The following DLGAP2 variants were observed in gnomAD, a reference collection of about 807,000 sequenced individuals.
The protein encoded by DLGAP2 is disks large-associated protein 2.
In DLGAP2, 26 loss-of-function variants were observed where a neutral mutation model predicts 100.3. The observed-to-expected ratio is 0.26, with a 90% CI of 0.19 to 0.36. DLGAP2 has a LOEUF of 0.36. DLGAP2 is among the 10% of genes least tolerant of loss of function. The pLI is 1.00. For missense variants in DLGAP2, 1,858 were observed against 1,453.2 expected, an observed-to-expected ratio of 1.28 and a Z score of -4.53; for synonymous variants, 886 against 630.1, an observed-to-expected ratio of 1.41 and a Z score of -6.08.
At chr8:1,542,874 T>G (rs1040388405) in intron 4 of DLGAP2, among the ~76,000 whole-genome samples, 2 of 152,168 alleles carry the variant, frequency 1.3e-5, no homozygotes, top group African/African-American at 4.8e-5. Flanking sequence ...TTCATCAAGC[T>G]TTGGAACTGT....
chr8:1,255,946 G>T (rs1352648211), intron 2 of DLGAP2, among the ~76,000 whole-genome samples: 1 of 127,780 alleles, frequency 7.8e-6, no homozygotes, highest in Non-Finnish European at 1.6e-5. Context: ...CTCCTGCCTG[G>T]GTGCTGTGTG....
chr8:1,545,622 G>A (rs1801509429), intron 4 of DLGAP2, among the ~76,000 whole-genome samples: 1 of 152,148 alleles, frequency 6.6e-6, no homozygotes, highest in African/African-American at 2.4e-5. Context: ...CGGAGACCTA[G>A]CTTAGTGCTC....
chr8:1,383,430 A>G (rs1194127480), intron 3 of DLGAP2, among the ~76,000 whole-genome samples: 2 of 152,242 alleles, frequency 1.3e-5, no homozygotes, highest in African/African-American at 2.4e-5. Flanking sequence ...ATTCTGTCAA[A>G]TGGTACGGTA....
intron 2 of DLGAP2, among the ~76,000 whole-genome samples, chr8:1,030,298 C>A (rs1801936995): frequency 1.3e-5 from 2 of 152,104 alleles, no homozygotes. Context: ...TCTTGGGTCC[C>A]ATTGTGTTTT....
At chr8:997,025 G>A (rs1442978236) in intron 2 of DLGAP2, among the ~76,000 whole-genome samples, 1 of 152,182 alleles carries the variant, frequency 6.6e-6, no homozygotes, top group Admixed American at 6.5e-5. Flanking sequence ...GGCATTGATT[G>A]CTGTGTTTTT....
intron 2 of DLGAP2, among the ~76,000 whole-genome samples, chr8:1,065,998 C>T (rs911346993): frequency 1.3e-5 from 2 of 152,220 alleles, no homozygotes; most frequent in Admixed American, 6.5e-5. Context: ...GTGGCCACGT[C>T]GTGGTGGTGT....
At chr8:791,809 C>G (rs1254932741) in intron 1 of DLGAP2, among the ~76,000 whole-genome samples, 1 of 152,186 alleles carries the variant, frequency 6.6e-6, no homozygotes, top group East Asian at 1.9e-4. Context: ...CTGGTGTTTT[C>G]TTGTTGCTTG....
chr8:1,631,841 G>A (rs1358558067), intron 7 of DLGAP2, among the ~76,000 whole-genome samples: 1 of 152,240 alleles, frequency 6.6e-6, no homozygotes, highest in Non-Finnish European at 1.5e-5. Context: ...CAGGCAACCA[G>A]TGTCGTGTTG....
intron 2 of DLGAP2, among the ~76,000 whole-genome samples, chr8:1,181,881 C>A (rs558642432): frequency 6.6e-6 from 1 of 152,290 alleles, no homozygotes; most frequent in South Asian, 2.1e-4. Flanking sequence ...ACTTTGCCAT[C>A]GTCCCTGCAA....
At chr8:1,177,785 C>G (rs1251510927) in intron 2 of DLGAP2, among the ~76,000 whole-genome samples, 1 of 152,180 alleles carries the variant, frequency 6.6e-6, no homozygotes, top group Non-Finnish European at 1.5e-5. Flanking sequence ...CTGCTGTGCC[C>G]TCACAGGGTA....
At chr8:1,409,973 A>T (rs1293971351) in intron 3 of DLGAP2, among the ~76,000 whole-genome samples, 1 of 151,994 alleles carries the variant, frequency 6.6e-6, no homozygotes, top group Non-Finnish European at 1.5e-5. Context: ...ACCCCCTCTT[A>T]TGTGTCTGTG....
At chr8:948,896 G>A (rs370266093) in intron 2 of DLGAP2, among the ~76,000 whole-genome samples, 1 of 150,766 alleles carries the variant, frequency 6.6e-6, no homozygotes, top group African/African-American at 2.4e-5. Flanking sequence ...GTGGGAGCAG[G>A]GCCCGTGGGC....
At chr8:955,391 A>G (rs1426190211) in intron 2 of DLGAP2, among the ~76,000 whole-genome samples, 1 of 151,976 alleles carries the variant, frequency 6.6e-6, no homozygotes, top group African/African-American at 2.4e-5. Flanking sequence ...ACCCACTGGA[A>G]TCTTGTGTGT....
chr8:1,662,968 G>C (rs989396548), intron 8 of DLGAP2, among the ~76,000 whole-genome samples: 4 of 148,622 alleles, frequency 2.7e-5, no homozygotes, highest in African/African-American at 1.0e-4. Flanking sequence ...GTGAGTGTGG[G>C]GTATGACTGT....
At chr8:1,204,212 A>C (rs2044923) in intron 2 of DLGAP2, among the ~76,000 whole-genome samples, 1 of 152,090 alleles carries the variant, frequency 6.6e-6, no homozygotes, top group Non-Finnish European at 1.5e-5. Context: ...GCGGGTTTTT[A>C]TCTGCTCCTA....
At chr8:1,332,431 A>G (rs553843120) in intron 3 of DLGAP2, among the ~76,000 whole-genome samples, 16 of 151,966 alleles carry the variant, frequency 1.1e-4, no homozygotes, top group Middle Eastern at 3.4e-3. Flanking sequence ...GTCAGTGTAT[A>G]TATGTCTGTG....
chr8:1,216,824 G>A (rs1011589539), intron 2 of DLGAP2, among the ~76,000 whole-genome samples: 2 of 152,028 alleles, frequency 1.3e-5, no homozygotes, highest in Non-Finnish European at 2.9e-5. Flanking sequence ...CCTAATCAGG[G>A]AATGAGTTCT....
chr8:1,000,293 G>T (rs1308521389), intron 2 of DLGAP2, among the ~76,000 whole-genome samples: 3 of 150,196 alleles, frequency 2.0e-5, no homozygotes, highest in African/African-American at 4.9e-5. Context: ...GGTGGGGGTG[G>T]TTTTCTTTTG....
intron 2 of DLGAP2, among the ~76,000 whole-genome samples, chr8:1,063,373 C>T (rs528543555): frequency 2.6e-5 from 4 of 152,158 alleles, no homozygotes; most frequent in African/African-American, 9.6e-5. Context: ...CTGCGATCCC[C>T]GAGGTCTCGG....
Sources: allele counts gnomAD v4.1 joint callset (sites outside exome capture counted in the v4.1 genomes callset), GRCh38; gene constraint gnomAD v4.1.1; transcripts MANE v1.5; gene names NCBI Gene and HGNC (gene_info 2026-07-23, HGNC 2026-07-21).